Variants in PARP4 observed in about 807,000 individuals in gnomAD.
PARP4 encodes protein mono-ADP-ribosyltransferase PARP4.
In PARP4, 120 loss-of-function variants were observed where a neutral mutation model predicts 187.7. The ratio of observed to expected loss-of-function variants is 0.64; its 90% CI spans 0.55 to 0.74. The LOEUF (loss-of-function observed/expected upper bound fraction) is 0.74, where lower values mean the gene tolerates loss of function less well. Ranked by LOEUF, PARP4 falls within the 30% of genes least tolerant of loss-of-function variation. PARP4 has a pLI of 0.00. For missense variants in PARP4, 1,836 were observed against 2,070.5 expected, an observed-to-expected ratio of 0.89 and a Z score of 2.20; for synonymous variants, 654 against 740.9, an observed-to-expected ratio of 0.88 and a Z score of 1.90.
In PARP4 at chr13:24,421,279, G is replaced by A. The variant is rs952480183; in HGVS notation, c.5015C>T (p.Ala1672Val). The A allele has an allele frequency of 7.5e-7, 1 of 1,337,064 alleles. No individual in the cohort carries two copies. Among genetic ancestry groups the A allele is most frequent in the African/African-American group, 1.5e-5 (1 of 65,282 alleles). 82.8% of individuals were successfully genotyped at this position (1,337,064 alleles called of 1,614,324 possible). A position where few individuals can be genotyped will look rare whatever the true frequency, so the allele number is the denominator to read the frequency against. Residue 1672 changes from alanine to valine, a missense_variant, in exon 34 of 34, where the codon GCA (alanine) becomes GTA (valine). By Grantham distance (64) the Ala-to-Val change is moderately conservative. Coordinates refer to ENST00000381989, the MANE Select transcript of PARP4 (RefSeq NM_006437.4). The part of the protein sequence containing the change: ...IPWAFEAIKQ[A>V]SEWVRRTEGQ... ...TTCAGTTCTTCTTACCCATTCACTT[G>A]CTTGCTTTATTGCCTCAAAAGCCCA... is the stretch of plus-strand genomic sequence containing the variant.
At chr13:24,511,577 T>A (rs1870020630) in intron 1 of PARP4, among the ~76,000 whole-genome samples, 1 of 152,190 alleles carries the variant, frequency 6.6e-6, no homozygotes. Context: ...TTGGTGTAGG[T>A]GGAATCAAGT....
intron 15 of PARP4, among the ~76,000 whole-genome samples, chr13:24,472,200 C>CTCTCA (rs1872754458): frequency 6.6e-6 from 1 of 152,122 alleles, no homozygotes; most frequent in East Asian, 1.9e-4. Context: ...GAATTAAGTA[C>CTCTCA]TGCATGTGGA....
chr13:24,452,440 G>A lies in PARP4; in HGVS notation c.2980C>T (p.Arg994Cys), dbSNP rs768159253. The A allele has an allele frequency of 1.9e-5, 30 of 1,613,804 alleles. No homozygotes were observed. Among genetic ancestry groups the A allele is most frequent in the East Asian group, 6.7e-5 (3 of 44,884 alleles). Reference protein sequence around the residue: ...SLTLQLVKRSRPHTRLFACGI... With the variant: ...SLTLQLVKRSCPHTRLFACGI... ...CAGGCGAATAACCTGGTGTGCGGGC[G>A]GCTCCTCTTCACGAGCTGTAATGTC... is the stretch of plus-strand genomic sequence containing the variant. The change falls in exon 24 of 34, where the codon CGC becomes TGC. Residue 994 changes from arginine (R) to cysteine (C), a missense_variant. By Grantham distance (180) the Arg-to-Cys change is radical (BLOSUM62 -3). This residue lies in a region of PARP4 where 1,147 missense variants were observed against 1,214.2 expected (regional missense o/e 0.94). Coordinates refer to ENST00000381989, the MANE Select transcript of PARP4 (RefSeq NM_006437.4).
At chr13:24,490,129 C>G (rs1323505317) in intron 10 of PARP4, among the ~76,000 whole-genome samples, 2 of 152,134 alleles carry the variant, frequency 1.3e-5, no homozygotes, top group African/African-American at 4.8e-5. Flanking sequence ...CCACGGTGAC[C>G]CTCAGGGGTG....
chr13:24,468,887 T>G, intron 17 of PARP4, 137 bp downstream of exon 17: 1 of 655,832 alleles, frequency 1.5e-6, no homozygotes. Context: ...GGCTTCCCCT[T>G]ACTCAGACCA....
chr13:24,453,513 G>A (rs1034391905), intron 23 of PARP4, 74 bp downstream of exon 23: 1 of 866,122 alleles, frequency 1.2e-6, no homozygotes. Flanking sequence ...GGCTTGAGTG[G>A]CCTAAGCCCT....
At chr13:24,439,636 A>G (rs1870815062) in intron 30 of PARP4, among the ~76,000 whole-genome samples, 1 of 152,214 alleles carries the variant, frequency 6.6e-6, no homozygotes, top group Non-Finnish European at 1.5e-5. Context: ...ACTGTTGTGC[A>G]ACCATGACCA....
intron 30 of PARP4, among the ~76,000 whole-genome samples, chr13:24,438,662 C>T (rs1354688149): frequency 6.6e-6 from 1 of 152,190 alleles, no homozygotes; most frequent in South Asian, 2.1e-4. Context: ...TAAGCCCAGG[C>T]GTGGCTGTGG....
intron 16 of PARP4, among the ~76,000 whole-genome samples, chr13:24,469,605 C>T (rs561568041): frequency 5.9e-5 from 9 of 152,284 alleles, no homozygotes; most frequent in South Asian, 4.1e-4. Context: ...CCACTGCACC[C>T]GGCCCTCTTT....
chr13:24,496,230 C>T (rs917844999), intron 6 of PARP4, among the ~76,000 whole-genome samples: 2 of 151,854 alleles, frequency 1.3e-5, no homozygotes, highest in African/African-American at 2.4e-5. Context: ...TTACTTCTTA[C>T]CCAAACAACT....
chr13:24,472,223 G>C (rs1256961143), intron 15 of PARP4, among the ~76,000 whole-genome samples: 1 of 152,192 alleles, frequency 6.6e-6, no homozygotes, highest in Non-Finnish European at 1.5e-5. Context: ...ACTCGGCTGA[G>C]GGCCTGACTC....
At chr13:24,497,222 T>C (rs540465244) in intron 6 of PARP4, among the ~76,000 whole-genome samples, 2 of 152,288 alleles carry the variant, frequency 1.3e-5, no homozygotes, top group South Asian at 4.1e-4. Flanking sequence ...CTGCAAAGCC[T>C]CCTTTGTTGT....
rs549272420 is a variant in PARP4, at chr13:24,490,728, A to G, written c.1154T>C (p.Val385Ala). 5 of 1,614,070 alleles carry G rather than the reference A, an allele frequency of 3.1e-6. No homozygotes were observed. In the East Asian group the frequency reaches 1.1e-4, roughly 36 times the overall value. The change falls in exon 10 of 34, where the codon GTT becomes GCT. Residue 385 changes from valine to alanine, a missense_variant. By Grantham distance (64) the Val-to-Ala change is moderately conservative (BLOSUM62 0). This residue lies in a region of PARP4 where 1,147 missense variants were observed against 1,214.2 expected (regional missense o/e 0.94). Transcript: ENST00000381989. ...YRALRCKIEH[V>A]EQNTEEFLRV... ...GAGAAATTCTTCAGTATTCTGTTCA[A>G]CATGCTCAATTTTGCACCTCAAAGC...
At chr13:24,506,387 G>C (rs564490985) in intron 1 of PARP4, among the ~76,000 whole-genome samples, 21 of 152,252 alleles carry the variant, frequency 1.4e-4, no homozygotes, top group East Asian at 1.9e-4. Flanking sequence ...AGCTTCCACA[G>C]CGTGGAAGAG....
intron 10 of PARP4, among the ~76,000 whole-genome samples, chr13:24,489,611 AAAAATAAAAAAT>A (rs1289190258): frequency 6.6e-6 from 1 of 152,238 alleles, no homozygotes; most frequent in African/African-American, 2.4e-5. Context: ...TCCGTCTCAA[AAAAATAAAAAAT>A]AAAATAAAAA....
chr13:24,494,694 G>T lies in PARP4; in HGVS notation c.620C>A (p.Thr207Asn). The change falls in exon 7 of 34, where the codon ACC becomes AAC. Residue 207 changes from threonine (T) to asparagine (N), a missense_variant. Thr to Asn is a moderately conservative substitution (Grantham distance 65). Coordinates refer to ENST00000381989, the MANE Select transcript of PARP4 (RefSeq NM_006437.4). ...ETRRQFAIKK[T>N]SEDASEYFEN... Reference sequence around the variant, plus strand: ...AAAGTATTCACTTGCATCTTCAGAGGTTTTCTTTATAGCAAACTGTCTTCT... The same window carrying T: ...AAAGTATTCACTTGCATCTTCAGAGTTTTTCTTTATAGCAAACTGTCTTCT... 6.2e-7 allele frequency: 1 copy of T among 1,607,756 alleles called. No homozygotes were observed. The highest frequency in any genetic ancestry group is 8.5e-7 in the Non-Finnish European group (1 of 1,175,778).
chr13:24,511,709 C>A (rs1397356742), intron 1 of PARP4, among the ~76,000 whole-genome samples: 1 of 152,208 alleles, frequency 6.6e-6, no homozygotes, highest in Non-Finnish European at 1.5e-5. Context: ...GTGTGTGAGT[C>A]AGCACACGCT....
At chr13:24,490,516 C>A (rs9581073) in intron 10 of PARP4, 152 bp downstream of exon 10, 65,749 of 638,826 alleles carry the variant, frequency 0.1, 3,835 homozygotes, top group African/African-American at 0.12. Flanking sequence ...AGGCACCGTT[C>A]TGAACAGAGA....
chr13:24,501,652 A>G lies in PARP4; in HGVS notation c.315T>C (p.Asp105=), dbSNP rs1028897564. The G allele has an allele frequency of 1.2e-6, 2 of 1,612,786 alleles. No homozygotes were observed. The highest frequency in any genetic ancestry group is 1.7e-4 in the Middle Eastern group (1 of 6,060). ...ACCTACCAGAACTGCTCGCCTTCTG[A>G]TCAGGAGGTGGTGTGATGTCCAGGG... ...YKPLDITPPP[D]QKASSSEVKT... is the part of the protein sequence containing the mutation. Residue 105 remains aspartate, a synonymous_variant, in exon 3 of 34, where the codon GAT becomes GAC. Transcript: ENST00000381989.
Sources: gnomAD v4.1 joint callset for allele counts (sites outside exome capture counted in the v4.1 genomes callset) on GRCh38, gnomAD v4.1.1 for gene constraint, gnomAD v4.1.1 regional missense constraint, MANE v1.5 for transcripts, NCBI Gene and HGNC (gene_info 2026-07-23, HGNC 2026-07-21) for gene names.